RASGRP1: variants seen among roughly 807,000 people sequenced by gnomAD.
RASGRP1 encodes RAS guanyl releasing protein 1.
RASGRP1 carries 37 observed loss-of-function variants against 95.1 expected under a neutral mutation model. The ratio of observed to expected loss-of-function variants is 0.39; its 90% confidence interval spans 0.30 to 0.51. The LOEUF (loss-of-function observed/expected upper bound fraction) is 0.51. RASGRP1 is among the 20% of genes least tolerant of loss of function. The pLI is 0.80. For synonymous variants in RASGRP1, 325 were observed against 353.4 expected (o/e 0.92, Z 0.90); for missense variants, 711 against 965.4 (o/e 0.74, Z 3.49).
At position 38,502,435 on chromosome 15, in the gene RASGRP1, GTTT is replaced by G; in HGVS notation, c.1429-17_1429-15del. The G allele has an allele frequency of 1.3e-6, 2 of 1,511,774 alleles. No homozygotes were observed. Among genetic ancestry groups the G allele is most frequent in the Non-Finnish European group, 1.8e-6 (2 of 1,090,376 alleles). 93.6% of individuals were successfully genotyped at this position (1,511,774 alleles called of 1,614,324 possible). A position where few individuals can be genotyped will look rare whatever the true frequency, so the allele number is the denominator to read the frequency against. Reference sequence around the variant, plus strand: ...CTTGAAGACAGACTGTGAAAAAGGAGTTTTTTTGGTGATTACTAAAGAGAAACC... The same window carrying G: ...CTTGAAGACAGACTGTGAAAAAGGAGTTTTGGTGATTACTAAAGAGAAACC... On this transcript the variant is annotated splice_polypyrimidine_tract_variant and intron_variant, in intron 11 of 16. Coordinates refer to ENST00000310803, the MANE Select transcript of RASGRP1 (RefSeq NM_005739.4).
chr15:38,501,718 A>C (rs1444598594), intron 12 of RASGRP1, among the ~76,000 whole-genome samples: 1 of 152,250 alleles, frequency 6.6e-6, no homozygotes, highest in Non-Finnish European at 1.5e-5. Flanking sequence ...TGAGAAAAGT[A>C]AAAATGCAAA....
intron 2 of RASGRP1, among the ~76,000 whole-genome samples, chr15:38,537,140 G>A (rs911867304): frequency 1.3e-5 from 2 of 151,958 alleles, no homozygotes; most frequent in Non-Finnish European, 2.9e-5. Context: ...AGGAGTGGCT[G>A]TCCACTGTAG....
intron 15 of RASGRP1, among the ~76,000 whole-genome samples, chr15:38,495,030 T>G (rs1465401246): frequency 2.0e-5 from 3 of 152,186 alleles, no homozygotes; most frequent in Admixed American, 6.5e-5. Context: ...GGTTTCTGTT[T>G]TTGGAGGTAA....
At chr15:38,553,365 G>A (rs1893414278) in intron 2 of RASGRP1, among the ~76,000 whole-genome samples, 1 of 152,198 alleles carries the variant, frequency 6.6e-6, no homozygotes, top group Non-Finnish European at 1.5e-5. Flanking sequence ...TGAAAAGACT[G>A]TTTTTGCTTT....
At chr15:38,561,858 A>C (rs1253411492) in intron 1 of RASGRP1, among the ~76,000 whole-genome samples, 2 of 152,252 alleles carry the variant, frequency 1.3e-5, no homozygotes, top group African/African-American at 4.8e-5. Context: ...GCCCTGTGAT[A>C]GCCCCAGAAT....
At chr15:38,557,946 A>G (rs1246237428) in intron 2 of RASGRP1, among the ~76,000 whole-genome samples, 2 of 152,190 alleles carry the variant, frequency 1.3e-5, no homozygotes, top group East Asian at 3.8e-4. Flanking sequence ...CTTCAGAATC[A>G]GTCATGTATT....
intron 14 of RASGRP1, among the ~76,000 whole-genome samples, chr15:38,499,569 C>T (rs888286359): frequency 1.3e-5 from 2 of 152,166 alleles, no homozygotes; most frequent in Non-Finnish European, 1.5e-5. Context: ...TTCGGTGTGG[C>T]GGTCATTCAC....
rs766147987 is a variant in RASGRP1, at chr15:38,559,881, C to T, written c.160G>A (p.Gly54Arg). Residue 54 changes from glycine to arginine, a missense_variant, in exon 2 of 17, where the codon GGA becomes AGA. Physicochemically the swap from Gly to Arg is moderately radical, Grantham distance 125. Coordinates refer to ENST00000310803, the MANE Select transcript of RASGRP1 (RefSeq NM_005739.4). ...AGGCTGGCTCCTTTGGCTAAATGTCCCAGAGACACCATCATTCGGAACTGG... is the reference window on the plus strand; with the variant it reads ...AGGCTGGCTCCTTTGGCTAAATGTCTCAGAGACACCATCATTCGGAACTGG... ...ITQFRMMVSLGHLAKGASLDD... is the reference protein window; with the variant it reads ...ITQFRMMVSLRHLAKGASLDD... 6.2e-7 allele frequency: 1 copy of T among 1,613,912 alleles called. No homozygotes were observed. The highest frequency in any genetic ancestry group is 1.1e-5 in the South Asian group (1 of 91,064).
In RASGRP1 at chr15:38,494,455, T is replaced by G. The variant is rs778231793; in HGVS notation, c.2186A>C (p.Asn729Thr). The change falls in exon 16 of 17, where the codon AAT (asparagine) becomes ACT (threonine). Residue 729 changes from asparagine to threonine, a missense_variant. Physicochemically the swap from Asn to Thr is moderately conservative, Grantham distance 65. Coordinates refer to ENST00000310803, the MANE Select transcript of RASGRP1 (RefSeq NM_005739.4). ...CTTTGATTTTATGAGGGAGTCTTTATTCTCCCACTTGACAAAAGCCCGCTT... is the reference window on the plus strand; with the variant it reads ...CTTTGATTTTATGAGGGAGTCTTTAGTCTCCCACTTGACAAAAGCCCGCTT... ...VRKRAFVKWENKDSLIKSKEE... is the reference protein window; with the variant it reads ...VRKRAFVKWETKDSLIKSKEE... 6.2e-7 allele frequency: 1 copy of G among 1,612,818 alleles called. No homozygotes were observed. Among genetic ancestry groups the G allele is most frequent in the Non-Finnish European group, 8.5e-7 (1 of 1,179,406 alleles).
At chr15:38,557,705 G>A (rs980067657) in intron 2 of RASGRP1, among the ~76,000 whole-genome samples, 1 of 150,834 alleles carries the variant, frequency 6.6e-6, no homozygotes, top group Non-Finnish European at 1.5e-5. Flanking sequence ...GAGTTTGGTC[G>A]CTGTAATTCT....
chr15:38,542,875 ATATATATACACATATATGTG>A (rs1566933460), intron 2 of RASGRP1, among the ~76,000 whole-genome samples: 1 of 141,534 alleles, frequency 7.1e-6, no homozygotes, highest in African/African-American at 2.6e-5. Flanking sequence ...ATATATGTGT[ATATATATACACATATATGTG>A]TATATATATA....
intron 2 of RASGRP1, among the ~76,000 whole-genome samples, chr15:38,533,914 A>G (rs1306124941): frequency 6.6e-6 from 1 of 152,208 alleles, no homozygotes; most frequent in African/African-American, 2.4e-5. Flanking sequence ...AGCTACCAAC[A>G]TGAAGTCACT....
At position 38,494,439 on chromosome 15, in the gene RASGRP1, T is replaced by A; in HGVS notation, c.2202A>T (p.Ile734=). The change falls in exon 16 of 17, where the codon ATA becomes ATT. Residue 734 remains isoleucine (I), a synonymous_variant. Transcript: ENST00000310803. ...FVKWENKDSL[I]KSKEELRHLR... Reference sequence around the variant, plus strand: ...GGTGACGGAGCTCCTCCTTTGATTTTATGAGGGAGTCTTTATTCTCCCACT... The same window carrying A: ...GGTGACGGAGCTCCTCCTTTGATTTAATGAGGGAGTCTTTATTCTCCCACT... The A allele has an allele frequency of 1.9e-6, 3 of 1,613,680 alleles. No homozygotes were observed. Among genetic ancestry groups the A allele is most frequent in the Non-Finnish European group, 2.5e-6 (3 of 1,179,780 alleles).
At chr15:38,537,388 A>G (rs577546302) in intron 2 of RASGRP1, among the ~76,000 whole-genome samples, 61 of 152,330 alleles carry the variant, frequency 4.0e-4, no homozygotes, top group African/African-American at 1.3e-3. Flanking sequence ...GGCACGTCAC[A>G]TGGTGAAAGC....
At chr15:38,536,540 A>G (rs1198539045) in intron 2 of RASGRP1, among the ~76,000 whole-genome samples, 2 of 152,214 alleles carry the variant, frequency 1.3e-5, no homozygotes, top group Non-Finnish European at 2.9e-5. Flanking sequence ...AAATACTTAC[A>G]CAACAAAATA....
intron 2 of RASGRP1, among the ~76,000 whole-genome samples, chr15:38,559,217 G>C (rs1206749077): frequency 6.6e-6 from 1 of 152,166 alleles, no homozygotes; most frequent in East Asian, 1.9e-4. Context: ...GCACTAAGCT[G>C]TGCCTCCCTC....
At chr15:38,533,373 G>T (rs935915159) in intron 2 of RASGRP1, among the ~76,000 whole-genome samples, 4 of 152,160 alleles carry the variant, frequency 2.6e-5, no homozygotes, top group South Asian at 2.1e-4. Context: ...TATACACACA[G>T]AATTCTAAAT....
chr15:38,526,358 C>T lies in RASGRP1; in HGVS notation c.267G>A (p.Met89Ile). The change falls in exon 3 of 17, where the codon ATG becomes ATA. Residue 89 changes from methionine (M) to isoleucine (I), a missense_variant. By Grantham distance (10) the Met-to-Ile change is conservative. This residue lies in a region of RASGRP1 where 491 missense variants were observed against 676.6 expected (regional missense o/e 0.73). Transcript: ENST00000310803. The stretch of plus-strand genomic sequence containing the variant: ...AGATGACAATTCGGTGCATGGTCAG[C>T]ATGACTTGCAACAGTTGGTTACTTC... ...LCRSNQLLQVMLTMHRIVISS... is the reference protein window; with the variant it reads ...LCRSNQLLQVILTMHRIVISS... The T allele has an allele frequency of 6.2e-7, 1 of 1,613,292 alleles. No individual in the cohort carries two copies. The highest frequency in any genetic ancestry group is 1.1e-5 in the South Asian group (1 of 91,068).
At chr15:38,542,873 G>GTA (rs1199654189) in intron 2 of RASGRP1, among the ~76,000 whole-genome samples, 4 of 132,394 alleles carry the variant, frequency 3.0e-5, no homozygotes, top group Non-Finnish European at 4.8e-5. Flanking sequence ...ACATATATGT[G>GTA]TATATATATA....
Sources: gnomAD v4.1 joint callset for allele counts (sites outside exome capture counted in the v4.1 genomes callset) on GRCh38, gnomAD v4.1.1 for gene constraint, gnomAD v4.1.1 regional missense constraint, MANE v1.5 for transcripts, NCBI Gene and HGNC (gene_info 2026-07-23, HGNC 2026-07-21) for gene names.